SPI1: variants seen among roughly 807,000 people sequenced by gnomAD.
The protein encoded by SPI1 is Spi-1 proto-oncogene.
SPI1 carries 3 observed loss-of-function variants against 30.7 expected under a neutral mutation model. That is an observed-to-expected ratio of 0.10 (90% CI 0.04 to 0.25). SPI1 has a LOEUF of 0.25. SPI1 is among the 10% of genes least tolerant of loss of function. The pLI, the probability that SPI1 is intolerant of heterozygous loss-of-function variation, is 1.00. For synonymous variants in SPI1, 169 were observed against 157.1 expected (o/e 1.08, Z -0.56); for missense variants, 261 against 371.5 (o/e 0.70, Z 2.45).
intron 4 of SPI1, among the ~76,000 whole-genome samples, chr11:47,356,961 T>C (rs1000303349): frequency 1.5e-5 from 2 of 134,356 alleles, no homozygotes; most frequent in African/African-American, 2.7e-5. Flanking sequence ...CACTCACACA[T>C]GCTCACGTCT....
At chr11:47,357,508 TCA>T (rs5791758) in intron 4 of SPI1, among the ~76,000 whole-genome samples, 5,007 of 151,014 alleles carry the variant, frequency 0.033, 175 homozygotes, top group South Asian at 0.19. Context: ...TCACATCCAC[TCA>T]CAGCAGCTCA....
At chr11:47,377,778 G>A (rs2095944268) in intron 1 of SPI1, among the ~76,000 whole-genome samples, 3 of 152,226 alleles carry the variant, frequency 2.0e-5, no homozygotes, top group South Asian at 4.1e-4. Flanking sequence ...TGGGCCCATG[G>A]CCCTGACCCT....
In SPI1 at chr11:47,374,115, C is replaced by T. The variant is rs1565644865; in HGVS notation, c.142+1518G>A. Among the ~76,000 whole-genome samples the T allele has an allele frequency of 6.6e-6, 1 of 152,142 alleles. No individual in the cohort carries two copies. On this transcript the variant is annotated intron_variant, in intron 2 of 4. Coordinates refer to ENST00000378538, the MANE Select transcript of SPI1 (RefSeq NM_003120.3). The surrounding 1 kb of genome is among the most constrained non-coding windows in gnomAD (Gnocchi z 4.5). ...AGGGGGCGCCTGTCCCAGGGCCCAG[C>T]GGGACCTCCTGGAGTCCTGGAACCG...
intron 2 of SPI1, among the ~76,000 whole-genome samples, chr11:47,367,164 G>A (rs960666219): frequency 5.9e-5 from 9 of 152,056 alleles, no homozygotes; most frequent in Non-Finnish European, 1.3e-4. Context: ...GATGGTTAGT[G>A]CTATGAAAGG....
At chr11:47,357,484 C>A (rs1405706902) in intron 4 of SPI1, among the ~76,000 whole-genome samples, 2 of 151,908 alleles carry the variant, frequency 1.3e-5, no homozygotes, top group Non-Finnish European at 2.9e-5. Context: ...CAAATGCTCA[C>A]ACACATTCTG....
chr11:47,378,515 G>T lies in SPI1; in HGVS notation c.-162C>A. On this transcript the variant is annotated 5_prime_UTR_variant, in exon 1 of 5. It introduces an in-frame stop codon into an upstream open reading frame of the 5' UTR. Transcript: ENST00000378538. ...GAGCCCTGGGTGAGCCCCCTCCCTT[G>T]ACATTGCAGGGCCAGCACAAGTTCC... The T allele has an allele frequency of 1.5e-6, 1 of 665,852 alleles. No individual in the cohort carries two copies. The highest frequency in any genetic ancestry group is 1.8e-5 in the South Asian group (1 of 55,008). The allele number at this position is 665,852 out of a possible 1,614,324, so 41.2% of individuals were successfully genotyped here. A position where few individuals can be genotyped will look rare whatever the true frequency, so the allele number is the denominator to read the frequency against.
intron 4 of SPI1, chr11:47,358,481 C>T: frequency 1.5e-6 from 1 of 649,810 alleles, no homozygotes; most frequent in Non-Finnish European, 2.8e-6. Flanking sequence ...CACACCAGCT[C>T]TCACATTCAC....
chr11:47,374,016 A>C lies in SPI1; in HGVS notation c.142+1617T>G, dbSNP rs1470653775. Reference sequence around the variant, plus strand: ...CGCACCCAAGCCCAGTGAACTGAAGAGGGATTGGGCCAGGGAGAATGCGTC... The same window carrying C: ...CGCACCCAAGCCCAGTGAACTGAAGCGGGATTGGGCCAGGGAGAATGCGTC... On this transcript the variant is annotated intron_variant, in intron 2 of 4. Coordinates refer to ENST00000378538, the MANE Select transcript of SPI1 (RefSeq NM_003120.3). This position sits in a 1 kb window ranked among gnomAD's most constrained non-coding sequence, Gnocchi z 4.5. Among the ~76,000 whole-genome samples, 1 of 152,202 alleles carries C rather than the reference A, an allele frequency of 6.6e-6. No homozygotes were observed. The highest frequency in any genetic ancestry group is 6.5e-5 in the Admixed American group (1 of 15,278).
At chr11:47,370,410 GAAAA>G (rs1004836341) in intron 2 of SPI1, among the ~76,000 whole-genome samples, 1 of 129,182 alleles carries the variant, frequency 7.7e-6, no homozygotes, top group African/African-American at 2.9e-5. Context: ...TCAAAAAAAA[GAAAA>G]AAAAAAAGGC....
At chr11:47,356,348 A>G (rs2095909217) in intron 4 of SPI1, among the ~76,000 whole-genome samples, 1 of 146,050 alleles carries the variant, frequency 6.8e-6, no homozygotes, top group Non-Finnish European at 1.5e-5. Flanking sequence ...CCACTCACAC[A>G]CACCTGGTCA....
At chr11:47,355,908 C>G (rs142754483) in intron 4 of SPI1, among the ~76,000 whole-genome samples, 1,578 of 151,674 alleles carry the variant, frequency 0.01, 15 homozygotes, top group Non-Finnish European at 0.015. Flanking sequence ...CACGTGCTCA[C>G]ACAACGCACC....
At chr11:47,356,162 ACACT>A (rs1435848118) in intron 4 of SPI1, among the ~76,000 whole-genome samples, 1 of 149,880 alleles carries the variant, frequency 6.7e-6, no homozygotes, top group Non-Finnish European at 1.5e-5. Flanking sequence ...CTGCCCTCAC[ACACT>A]GTCACTTTCT....
intron 1 of SPI1, among the ~76,000 whole-genome samples, chr11:47,376,367 G>A (rs2095942303): frequency 6.6e-6 from 1 of 151,766 alleles, no homozygotes; most frequent in South Asian, 2.1e-4. Flanking sequence ...ACACTTGCCT[G>A]CCCAGCCCCA....
intron 1 of SPI1, among the ~76,000 whole-genome samples, chr11:47,376,012 C>T (rs971045407): frequency 1.3e-4 from 20 of 152,118 alleles, no homozygotes; most frequent in East Asian, 3.9e-4. Flanking sequence ...CTCACACTCA[C>T]GCCTGTGTGC....
chr11:47,359,901 G>A lies in SPI1; in HGVS notation c.282C>T (p.His94=), dbSNP rs149432722. The A allele has an allele frequency of 8.4e-4, 1,359 of 1,610,186 alleles. 5 individuals carry two copies. Among genetic ancestry groups the A allele is most frequent in the South Asian group, 3.5e-3 (319 of 91,080 alleles). The part of the protein sequence containing the change: ...LYRHMELEQM[H]VLDTPMVPPH... ...GTGGCACCATGGGGGTATCGAGGAC[G>A]TGCATCTGCTCCAGCTCCATGTGGC... Residue 94 remains histidine, a synonymous_variant, in exon 3 of 5, where the codon CAC becomes CAT. Coordinates refer to ENST00000378538, the MANE Select transcript of SPI1 (RefSeq NM_003120.3). The surrounding 1 kb of genome is among the most constrained non-coding windows in gnomAD (Gnocchi z 5.1).
intron 2 of SPI1, among the ~76,000 whole-genome samples, chr11:47,373,772 G>GACC (rs1417236868): frequency 6.6e-6 from 1 of 152,134 alleles, no homozygotes; most frequent in Non-Finnish European, 1.5e-5. Flanking sequence ...AGGGGTTCAT[G>GACC]ACCAACATGG....
chr11:47,357,538 A>G, intron 4 of SPI1, among the ~76,000 whole-genome samples: 1 of 151,720 alleles, frequency 6.6e-6, no homozygotes, highest in Non-Finnish European at 1.5e-5. Flanking sequence ...GCATGCTCAC[A>G]CACACCTGCT....
Position 47,375,841 on chromosome 11 carries a change from T to G in SPI1, c.46-112A>C. ...ACCTTCCCTGGCTCAGTGGCTGCGT[T>G]GGACCTACAGCCCTCCCTCTGCCTG... On this transcript the variant is annotated intron_variant, in intron 1 of 4. Transcript: ENST00000378538. This position sits in a 1 kb window ranked among gnomAD's most constrained non-coding sequence, Gnocchi z 4.2. 1 of 850,136 alleles carries G rather than the reference T, an allele frequency of 1.2e-6. No individual in the cohort carries two copies. The highest frequency in any genetic ancestry group is 2.0e-6 in the Non-Finnish European group (1 of 497,130). 52.7% of individuals were successfully genotyped at this position (850,136 alleles called of 1,614,324 possible).
chr11:47,360,290 C>T (rs570369930), intron 2 of SPI1, among the ~76,000 whole-genome samples: 32 of 152,246 alleles, frequency 2.1e-4, no homozygotes, highest in Admixed American at 1.7e-3. Flanking sequence ...AAGCAAAGCT[C>T]GTGTTCTCAG....
Sources: gnomAD v4.1 joint callset for allele counts (sites outside exome capture counted in the v4.1 genomes callset) on GRCh38, gnomAD v4.1.1 for gene constraint, Gnocchi (gnomAD v3.1) non-coding constraint, MANE v1.5 for transcripts, NCBI Gene and HGNC (gene_info 2026-07-23, HGNC 2026-07-21) for gene names.